The following LOC400499 variants were observed in gnomAD, a reference collection of about 807,000 sequenced individuals.
chr16:11,421,146 C>G, the LOC400499 span, among the ~76,000 whole-genome samples: 1 of 152,162 alleles, frequency 6.6e-6, no homozygotes, highest in African/African-American at 2.4e-5. Context: ...AGGGCAGATC[C>G]AGAGACTCAG....
the LOC400499 span, among the ~76,000 whole-genome samples, chr16:11,422,435 CGGAACGGAAA>C: frequency 2.0e-5 from 3 of 150,590 alleles, no homozygotes; most frequent in South Asian, 4.2e-4. Context: ...AGGAACAGAA[CGGAACGGAAA>C]GGAAAGGAAA....
the LOC400499 span, among the ~76,000 whole-genome samples, chr16:11,509,454 G>C: frequency 6.6e-6 from 1 of 151,782 alleles, no homozygotes; most frequent in Non-Finnish European, 1.5e-5. Flanking sequence ...AAGTCAGCAG[G>C]ACACACCCTG....
At chr16:11,463,199 T>A in the LOC400499 span, among the ~76,000 whole-genome samples, 1 of 152,130 alleles carries the variant, frequency 6.6e-6, no homozygotes, top group African/African-American at 2.4e-5. Flanking sequence ...TCTGGAAAAG[T>A]CATGAGCAAC....
chr16:11,504,454 G>A, the LOC400499 span, among the ~76,000 whole-genome samples: 11 of 152,088 alleles, frequency 7.2e-5, no homozygotes, highest in African/African-American at 2.7e-4. Context: ...TATTCAGGAG[G>A]CTGAGGCAAG....
At chr16:11,444,518 A>G in the LOC400499 span, among the ~76,000 whole-genome samples, 1 of 152,188 alleles carries the variant, frequency 6.6e-6, no homozygotes, top group African/African-American at 2.4e-5. Flanking sequence ...CGTATTATTC[A>G]CGGTGCTCTT....
chr16:11,448,179 C>A, the LOC400499 span: 2 of 1,356,106 alleles, frequency 1.5e-6, no homozygotes, highest in Non-Finnish European at 2.0e-6. Flanking sequence ...GCCCATCACC[C>A]CCAGAAATGA....
At chr16:11,458,235 A>C in the LOC400499 span, among the ~76,000 whole-genome samples, 3 of 152,170 alleles carry the variant, frequency 2.0e-5, no homozygotes, top group African/African-American at 7.2e-5. Flanking sequence ...AATCCCAGGT[A>C]CTCAGGAGGC....
At chr16:11,468,271 C>T in the LOC400499 span, among the ~76,000 whole-genome samples, 70 of 152,294 alleles carry the variant, frequency 4.6e-4, no homozygotes, top group African/African-American at 1.6e-3. Context: ...AGTACTTCTG[C>T]AGGAAATTTG....
the LOC400499 span, among the ~76,000 whole-genome samples, chr16:11,435,048 C>T: frequency 6.6e-6 from 1 of 152,192 alleles, no homozygotes; most frequent in South Asian, 2.1e-4. Context: ...TGCAATCTTA[C>T]AGCTCGCTGC....
At chr16:11,376,857 C>T in the LOC400499 span, among the ~76,000 whole-genome samples, 1 of 151,980 alleles carries the variant, frequency 6.6e-6, no homozygotes, top group African/African-American at 2.4e-5. Flanking sequence ...TAACCGGTCT[C>T]TGGGACTCTA....
chr16:11,503,773 GCT>G, the LOC400499 span, among the ~76,000 whole-genome samples: 1 of 152,214 alleles, frequency 6.6e-6, no homozygotes, highest in South Asian at 2.1e-4. Context: ...GCAACCCTCA[GCT>G]CTGTCTTTCC....
At chr16:11,428,170 C>T in the LOC400499 span, among the ~76,000 whole-genome samples, 4 of 152,024 alleles carry the variant, frequency 2.6e-5, no homozygotes, top group Non-Finnish European at 5.9e-5. Flanking sequence ...CATGCCTCCC[C>T]TTTGTGTTTA....
the LOC400499 span, among the ~76,000 whole-genome samples, chr16:11,389,167 C>G: frequency 6.6e-6 from 1 of 152,196 alleles, no homozygotes; most frequent in Non-Finnish European, 1.5e-5. Context: ...TCTTACCACG[C>G]TGGCCCCGTG....
the LOC400499 span, among the ~76,000 whole-genome samples, chr16:11,389,954 C>G: frequency 6.6e-6 from 1 of 152,218 alleles, no homozygotes; most frequent in Non-Finnish European, 1.5e-5. Flanking sequence ...AGGAAGAAAG[C>G]CCAGCTTCCT....
chr16:11,469,787 T>C, the LOC400499 span: 1 of 397,520 alleles, frequency 2.5e-6, no homozygotes. Flanking sequence ...GCCTGCAGAA[T>C]TGTAAAGCTC....
chr16:11,406,925 C>T, the LOC400499 span, among the ~76,000 whole-genome samples: 5 of 152,292 alleles, frequency 3.3e-5, no homozygotes, highest in South Asian at 1.0e-3. Flanking sequence ...GTCAATCTCC[C>T]CCGCTAGAGT....
the LOC400499 span, among the ~76,000 whole-genome samples, chr16:11,502,964 C>T: frequency 3.8e-5 from 5 of 133,016 alleles, no homozygotes; most frequent in African/African-American, 8.5e-5. Context: ...CTCTGTCTCC[C>T]GGGATGGAGT....
At chr16:11,508,329 C>T in the LOC400499 span, among the ~76,000 whole-genome samples, 1 of 152,208 alleles carries the variant, frequency 6.6e-6, no homozygotes, top group South Asian at 2.1e-4. Flanking sequence ...TTGAAACAGC[C>T]AGGAGTTTCG....
chr16:11,402,557 A>G, the LOC400499 span, among the ~76,000 whole-genome samples: 2 of 152,298 alleles, frequency 1.3e-5, no homozygotes, highest in Admixed American at 6.5e-5. Context: ...GTCCAGCCAC[A>G]TGAGAACAAA....
Sources: gnomAD v4.1 joint callset for allele counts (sites outside exome capture counted in the v4.1 genomes callset) on GRCh38, gnomAD v4.1.1 for gene constraint, MANE v1.5 for transcripts.